ATP2B2: variants seen among roughly 807,000 people sequenced by gnomAD.
ATP2B2 encodes plasma membrane calcium-transporting ATPase 2.
ATP2B2 carries 15 observed loss-of-function variants against 120.0 expected under a neutral mutation model. That is an observed-to-expected ratio of 0.12 (90% CI 0.08 to 0.19). The LOEUF (loss-of-function observed/expected upper bound fraction) is 0.19. Among genes scored for constraint, ATP2B2 ranks in the 10% least tolerant of loss-of-function variants. ATP2B2 has a pLI of 1.00. For synonymous variants in ATP2B2, 694 were observed against 700.3 expected, an observed-to-expected ratio of 0.99 and a Z score of 0.14; for missense variants, 1,045 against 1,719.8, an observed-to-expected ratio of 0.61 and a Z score of 6.94.
intron 1 of ATP2B2, among the ~76,000 whole-genome samples, chr3:10,690,753 C>A (rs553929702): frequency 2.6e-5 from 4 of 152,290 alleles, no homozygotes; most frequent in African/African-American, 9.6e-5. Context: ...AGAGGAAAAT[C>A]ATTCACTTAT....
rs996704883 is a variant in ATP2B2 at position 10,541,846 on chromosome 3, A to G, written c.-414-7713T>C. On this transcript the variant is annotated intron_variant, in intron 2 of 21. Coordinates refer to the ATP2B2 transcript ENST00000646379. ...GATATCCTGCCTAGTTGCTGTATCAATTATTGGGAGATGAGTGTTGAAGTC... is the reference window on the plus strand; with the variant it reads ...GATATCCTGCCTAGTTGCTGTATCAGTTATTGGGAGATGAGTGTTGAAGTC... Among the ~76,000 whole-genome samples, 12 of 152,168 alleles carry G rather than the reference A, an allele frequency of 7.9e-5. 1 individual carries two copies. Among genetic ancestry groups the G allele is most frequent in the Admixed American group, 4.6e-4 (7 of 15,272 alleles).
chr3:10,559,565 T>C (rs754501241), intron 2 of ATP2B2, among the ~76,000 whole-genome samples: 2 of 151,124 alleles, frequency 1.3e-5, no homozygotes, highest in South Asian at 4.2e-4. Context: ...GACAGGGAAG[T>C]CTTTAGGCCT....
chr3:10,420,340 C>T (rs1179649850), intron 2 of ATP2B2, among the ~76,000 whole-genome samples: 1 of 151,822 alleles, frequency 6.6e-6, no homozygotes, highest in African/African-American at 2.4e-5. Context: ...GGTAACTTCC[C>T]CTCTCTGTGT....
chr3:10,670,225 G>T (rs1470124832), intron 1 of ATP2B2, among the ~76,000 whole-genome samples: 1 of 152,202 alleles, frequency 6.6e-6, no homozygotes, highest in African/African-American at 2.4e-5. Context: ...CTTCGCTGGA[G>T]GATGCTGCTT....
intron 3 of ATP2B2, among the ~76,000 whole-genome samples, chr3:10,520,595 G>A (rs746076989): frequency 2.0e-5 from 3 of 151,948 alleles, no homozygotes; most frequent in East Asian, 1.9e-4. Context: ...TCAGCCTCCC[G>A]AGTAGCTGGG....
At chr3:10,540,195 T>C (rs1201095414) in intron 2 of ATP2B2, among the ~76,000 whole-genome samples, 1 of 151,900 alleles carries the variant, frequency 6.6e-6, no homozygotes. Context: ...GTTAGAATGG[T>C]GATCATTAAA....
intron 2 of ATP2B2, among the ~76,000 whole-genome samples, chr3:10,586,563 T>C (rs1322681464): frequency 6.6e-6 from 1 of 152,176 alleles, no homozygotes; most frequent in Non-Finnish European, 1.5e-5. Flanking sequence ...GGCACTAGTC[T>C]GTCTCCCCAG....
At chr3:10,381,081 T>G (rs1236807345) in intron 8 of ATP2B2, among the ~76,000 whole-genome samples, 1 of 152,216 alleles carries the variant, frequency 6.6e-6, no homozygotes, top group Non-Finnish European at 1.5e-5. Flanking sequence ...ACTGTCACTG[T>G]GCCCACTTTC....
chr3:10,520,700 C>A (rs1042893193), intron 3 of ATP2B2, among the ~76,000 whole-genome samples: 1 of 151,382 alleles, frequency 6.6e-6, no homozygotes, highest in Non-Finnish European at 1.5e-5. Context: ...AAGTGATCTG[C>A]CTGCCTGGGC....
chr3:10,552,641 T>G (rs1419087977), intron 2 of ATP2B2, among the ~76,000 whole-genome samples: 1 of 152,232 alleles, frequency 6.6e-6, no homozygotes, highest in Non-Finnish European at 1.5e-5. Context: ...TGTTCTTATC[T>G]CCTCTTACAA....
intron 2 of ATP2B2, among the ~76,000 whole-genome samples, chr3:10,566,078 C>T (rs2068002959): frequency 6.6e-6 from 1 of 152,174 alleles, no homozygotes; most frequent in Non-Finnish European, 1.5e-5. Flanking sequence ...ATGCACCCAC[C>T]CCTCCTTCCA....
intron 1 of ATP2B2, among the ~76,000 whole-genome samples, chr3:10,629,100 C>T (rs1370497513): frequency 1.3e-5 from 2 of 152,128 alleles, no homozygotes; most frequent in Non-Finnish European, 2.9e-5. Context: ...CAAAACAGCA[C>T]GGCAGCACCA....
In ATP2B2 at chr3:10,325,538, CT is replaced by C. The variant is rs34658949; in HGVS notation, c.*3275del. The C allele has an allele frequency of 0.77, 117,602 of 152,134 alleles. 45,802 individuals carry two copies. Among genetic ancestry groups the C allele is most frequent in the East Asian group, 0.99 (5,147 of 5,188 alleles). 9.4% of individuals were successfully genotyped at this position (152,134 alleles called of 1,614,324 possible). A position where few individuals can be genotyped will look rare whatever the true frequency, so the allele number is the denominator to read the frequency against. On this transcript the variant is annotated 3_prime_UTR_variant, in exon 23 of 23. Transcript: ENST00000360273. The stretch of plus-strand genomic sequence containing the variant: ...CCCAGGACAAGACAGGTTCAGAGTC[CT>C]TTGAGCCAGTGCAGTCATTTTAATT...
At chr3:10,442,368 C>G (rs770491246) in intron 2 of ATP2B2, among the ~76,000 whole-genome samples, 1 of 152,186 alleles carries the variant, frequency 6.6e-6, no homozygotes, top group African/African-American at 2.4e-5. Context: ...AGTCAGCTGC[C>G]GGGCAGGATC....
At chr3:10,396,280 G>A (rs1432196063) in intron 5 of ATP2B2, among the ~76,000 whole-genome samples, 5 of 152,270 alleles carry the variant, frequency 3.3e-5, no homozygotes, top group African/African-American at 1.2e-4. Context: ...CAACAGCCCT[G>A]TGGGGCAGGC....
chr3:10,619,052 A>C (rs1386515641), intron 2 of ATP2B2, among the ~76,000 whole-genome samples: 11 of 152,076 alleles, frequency 7.2e-5, no homozygotes, highest in Admixed American at 7.2e-4. Flanking sequence ...AGTTGCACAC[A>C]CACCCACCCC....
At chr3:10,358,267 C>G (rs901467213) in intron 14 of ATP2B2, among the ~76,000 whole-genome samples, 2 of 152,234 alleles carry the variant, frequency 1.3e-5, no homozygotes, top group African/African-American at 4.8e-5. Context: ...GTGCAATGCC[C>G]TTGCTATTGG....
At chr3:10,641,393 G>A (rs867588873) in intron 1 of ATP2B2, among the ~76,000 whole-genome samples, 6 of 152,190 alleles carry the variant, frequency 3.9e-5, no homozygotes, top group African/African-American at 1.4e-4. Context: ...CATCTCACAT[G>A]GACAGCTGAC....
At chr3:10,519,384 T>C (rs772856757) in intron 3 of ATP2B2, among the ~76,000 whole-genome samples, 1 of 152,168 alleles carries the variant, frequency 6.6e-6, no homozygotes, top group Non-Finnish European at 1.5e-5. Flanking sequence ...TTCAAGGGGC[T>C]ATTGAGGACT....
Sources: gnomAD v4.1 joint callset for allele counts (sites outside exome capture counted in the v4.1 genomes callset) on GRCh38, gnomAD v4.1.1 for gene constraint, MANE v1.5 for transcripts, NCBI Gene and HGNC (gene_info 2026-07-23, HGNC 2026-07-21) for gene names.